The following AGMO variants were observed in gnomAD, a reference collection of about 807,000 sequenced individuals.
AGMO encodes the protein glyceryl-ether monooxygenase.
A neutral mutation model predicts 60.2 loss-of-function variants in AGMO; 75 were observed. The ratio of observed to expected loss-of-function variants is 1.25; its 90% CI spans 1.03 to 1.51. The LOEUF (loss-of-function observed/expected upper bound fraction) is 1.51, where lower values mean the gene tolerates loss of function less well. AGMO is among the 40% of genes most tolerant of loss of function. The pLI is 0.00. For missense variants in AGMO, 763 were observed against 525.5 expected, an observed-to-expected ratio of 1.45 and a Z score of -4.42; for synonymous variants, 261 against 177.1, an observed-to-expected ratio of 1.47 and a Z score of -3.76.
intron 3 of AGMO, among the ~76,000 whole-genome samples, chr7:15,542,555 T>C (rs1784657559): frequency 6.6e-6 from 1 of 152,172 alleles, no homozygotes; most frequent in African/African-American, 2.4e-5. Flanking sequence ...AATAAACACA[T>C]CCGTGTTGGG....
At chr7:15,319,691 A>T (rs1012858909) in intron 12 of AGMO, among the ~76,000 whole-genome samples, 2 of 152,112 alleles carry the variant, frequency 1.3e-5, no homozygotes, top group Admixed American at 6.6e-5. Context: ...AGATTACCAG[A>T]AACACACACA....
intron 12 of AGMO, among the ~76,000 whole-genome samples, chr7:15,298,250 A>G (rs1370276868): frequency 2.0e-5 from 3 of 152,212 alleles, no homozygotes; most frequent in Admixed American, 6.5e-5. Context: ...TAATTAGCTC[A>G]ACACATAATT....
intron 12 of AGMO, among the ~76,000 whole-genome samples, chr7:15,328,608 C>T (rs897872428): frequency 3.9e-5 from 6 of 152,070 alleles, no homozygotes; most frequent in African/African-American, 7.2e-5. Context: ...GCCTCATGCC[C>T]GGAAGCAGCC....
the AGMO span, among the ~76,000 whole-genome samples, chr7:15,139,341 T>C: frequency 6.6e-6 from 1 of 152,192 alleles, no homozygotes; most frequent in Admixed American, 6.5e-5. Context: ...GGCTTTTAAT[T>C]GATTCTGATG....
intron 12 of AGMO, among the ~76,000 whole-genome samples, chr7:15,206,209 T>A (rs979275605): frequency 3.3e-5 from 5 of 152,128 alleles, no homozygotes; most frequent in African/African-American, 9.7e-5. Flanking sequence ...ACCATAGCTC[T>A]TTAGGAACTG....
intron 3 of AGMO, among the ~76,000 whole-genome samples, chr7:15,531,963 C>T (rs1784380743): frequency 1.3e-5 from 2 of 152,066 alleles, no homozygotes; most frequent in Non-Finnish European, 1.5e-5. Flanking sequence ...GCCACCACCC[C>T]TGGCCCAATA....
At chr7:15,159,355 A>C in the AGMO span, among the ~76,000 whole-genome samples, 1 of 152,172 alleles carries the variant, frequency 6.6e-6, no homozygotes, top group Non-Finnish European at 1.5e-5. Flanking sequence ...GCTCTACAGA[A>C]GTGGTAAAAG....
rs549747807 is a variant in AGMO at position 15,453,205 on chromosome 7, A to G, written c.410-22097T>C. ...AGCCACTGAATGGCACAGTTTAAGA[A>G]GGCAAATGTTATGGTATGTTAATTA... is the stretch of plus-strand genomic sequence containing the variant. On this transcript the variant is annotated intron_variant, in intron 3 of 12. Transcript: ENST00000342526. 4.6e-5 allele frequency among the ~76,000 whole-genome samples: 7 copies of G among 152,330 alleles called. No homozygotes were observed. In the South Asian group the frequency reaches 1.4e-3, roughly 32 times the overall value.
intron 3 of AGMO, among the ~76,000 whole-genome samples, chr7:15,483,232 A>C (rs1416736003): frequency 6.6e-6 from 1 of 152,224 alleles, no homozygotes; most frequent in East Asian, 1.9e-4. Context: ...ATATTTATAC[A>C]AACTAGTATG....
At chr7:15,334,481 A>C (rs535564528) in intron 12 of AGMO, among the ~76,000 whole-genome samples, 1 of 152,264 alleles carries the variant, frequency 6.6e-6, no homozygotes, top group East Asian at 1.9e-4. Context: ...CAATCTGTCA[A>C]AACTTCAATC....
intron 3 of AGMO, among the ~76,000 whole-genome samples, chr7:15,459,003 G>A (rs1481888191): frequency 6.6e-6 from 1 of 152,072 alleles, no homozygotes; most frequent in African/African-American, 2.4e-5. Context: ...ATTTCAAATA[G>A]TTCAATCTAA....
chr7:15,198,191 T>C (rs1424930913), downstream of AGMO, among the ~76,000 whole-genome samples: 1 of 131,664 alleles, frequency 7.6e-6, no homozygotes, highest in Non-Finnish European at 1.6e-5. Context: ...TTTTTAGGGC[T>C]TTCCCGAGAG....
At chr7:15,545,291 C>T (rs552551868) in intron 2 of AGMO, among the ~76,000 whole-genome samples, 366 of 152,170 alleles carry the variant, frequency 2.4e-3, no homozygotes, top group Non-Finnish European at 4.3e-3. Context: ...TATTGAAGTA[C>T]ATATTAAGAA....
At chr7:15,518,642 C>T (rs1014362091) in intron 3 of AGMO, among the ~76,000 whole-genome samples, 2 of 152,034 alleles carry the variant, frequency 1.3e-5, no homozygotes, top group South Asian at 2.1e-4. Flanking sequence ...ACAAAAAGGG[C>T]GACCACTCAA....
In AGMO at chr7:15,319,616, T is replaced by G. The variant is rs147364262; in HGVS notation, c.1263+45898A>C. Among the ~76,000 whole-genome samples the G allele has an allele frequency of 4.7e-3, 722 of 152,220 alleles. 6 individuals carry two copies. The highest frequency in any genetic ancestry group is 0.016 in the African/African-American group (682 of 41,550). ...AATTCACATTGGGGGAAAGTGACGTTTTCCGAAGACTCAAACTTATTTCCA... is the reference window on the plus strand; with the variant it reads ...AATTCACATTGGGGGAAAGTGACGTGTTCCGAAGACTCAAACTTATTTCCA... On this transcript the variant is annotated intron_variant, in intron 12 of 12. Coordinates refer to ENST00000342526, the MANE Select transcript of AGMO (RefSeq NM_001004320.2).
chr7:15,538,319 A>T lies in AGMO; in HGVS notation c.409+6453T>A, dbSNP rs116816664. On this transcript the variant is annotated intron_variant, in intron 3 of 12. Coordinates refer to ENST00000342526, the MANE Select transcript of AGMO (RefSeq NM_001004320.2). Reference sequence around the variant, plus strand: ...ACACTCATAGCTCACTGGAGCCTAAAATTCCTGGGCTCAGGTGATCTTACT... The same window carrying T: ...ACACTCATAGCTCACTGGAGCCTAATATTCCTGGGCTCAGGTGATCTTACT... Among the ~76,000 whole-genome samples, 480 of 152,174 alleles carry T rather than the reference A, an allele frequency of 3.2e-3. 1 individual carries two copies. The highest frequency in any genetic ancestry group is 0.011 in the African/African-American group (465 of 41,512).
At chr7:15,525,879 G>T (rs181174499) in intron 3 of AGMO, among the ~76,000 whole-genome samples, 3 of 152,300 alleles carry the variant, frequency 2.0e-5, no homozygotes, top group Admixed American at 6.5e-5. Flanking sequence ...TGGGGCCTCA[G>T]GGTTGCAGGC....
intron 4 of AGMO, among the ~76,000 whole-genome samples, chr7:15,427,720 T>C (rs1053983392): frequency 6.7e-6 from 1 of 149,492 alleles, no homozygotes; most frequent in Non-Finnish European, 1.5e-5. Context: ...GGATAGAGTA[T>C]TATTCTTAAG....
chr7:15,328,959 A>G (rs1190576276), intron 12 of AGMO, among the ~76,000 whole-genome samples: 3 of 152,024 alleles, frequency 2.0e-5, no homozygotes, highest in Admixed American at 6.6e-5. Context: ...CTGAACTCCT[A>G]TTCCCTAAAA....
Sources: allele counts gnomAD v4.1 joint callset (sites outside exome capture counted in the v4.1 genomes callset), GRCh38; gene constraint gnomAD v4.1.1; transcripts MANE v1.5; gene names NCBI Gene and HGNC (gene_info 2026-07-23, HGNC 2026-07-21).